NFIL3: variants seen among roughly 807,000 people sequenced by gnomAD.
The protein encoded by NFIL3 is nuclear factor interleukin-3-regulated protein.
Under a neutral mutation model 10.0 loss-of-function variants are expected in NFIL3, and 5 were observed. The observed-to-expected ratio is 0.50, with a 90% CI of 0.26 to 1.06. NFIL3 has a LOEUF of 1.06. Among genes scored for constraint, NFIL3 ranks in the 50% least tolerant of loss-of-function variants. The pLI, the probability that NFIL3 is intolerant of heterozygous loss-of-function variation, is 0.13. For missense variants in NFIL3, 436 were observed against 547.6 expected, an observed-to-expected ratio of 0.80 and a Z score of 2.03; for synonymous variants, 202 against 206.5, an observed-to-expected ratio of 0.98 and a Z score of 0.19.
At chr9:91,459,604 G>A in the NFIL3 span, among the ~76,000 whole-genome samples, 1 of 152,204 alleles carries the variant, frequency 6.6e-6, no homozygotes, top group Non-Finnish European at 1.5e-5. Context: ...AGGATTGCTT[G>A]AGCCCAGGAG....
At chr9:91,432,710 A>G in the NFIL3 span, among the ~76,000 whole-genome samples, 2 of 152,198 alleles carry the variant, frequency 1.3e-5, no homozygotes, top group African/African-American at 4.8e-5. Context: ...GCAGAGCTGA[A>G]AAGAAATGGG....
the NFIL3 span, among the ~76,000 whole-genome samples, chr9:91,472,539 T>C: frequency 6.6e-6 from 1 of 152,316 alleles, no homozygotes; most frequent in Admixed American, 6.5e-5. Flanking sequence ...TCTCATGCCA[T>C]GGTTTTCAGC....
the NFIL3 span, among the ~76,000 whole-genome samples, chr9:91,469,892 T>C: frequency 3.2e-4 from 48 of 151,988 alleles, 1 homozygote; most frequent in South Asian, 9.0e-3. Context: ...CACTTGATCA[T>C]GGTGGATAAG....
chr9:91,456,574 A>AT, the NFIL3 span, among the ~76,000 whole-genome samples: 1 of 151,920 alleles, frequency 6.6e-6, no homozygotes, highest in African/African-American at 2.4e-5. Flanking sequence ...TCAATATTAC[A>AT]TTTTTAGAGT....
chr9:91,445,110 G>A, the NFIL3 span, among the ~76,000 whole-genome samples: 1 of 152,192 alleles, frequency 6.6e-6, no homozygotes, highest in Non-Finnish European at 1.5e-5. Context: ...GAGCTAGGTT[G>A]TAGCTATGAC....
At chr9:91,451,213 C>A in the NFIL3 span, among the ~76,000 whole-genome samples, 1 of 152,094 alleles carries the variant, frequency 6.6e-6, no homozygotes, top group Admixed American at 6.5e-5. Context: ...ATCCTTTCAC[C>A]CCCTGGCCTT....
At chr9:91,451,313 T>C in the NFIL3 span, among the ~76,000 whole-genome samples, 1 of 152,212 alleles carries the variant, frequency 6.6e-6, no homozygotes, top group Non-Finnish European at 1.5e-5. Flanking sequence ...TAAGTGTCAG[T>C]TAAATCATCA....
At chr9:91,455,720 CATACTT>C in the NFIL3 span, among the ~76,000 whole-genome samples, 1 of 152,192 alleles carries the variant, frequency 6.6e-6, no homozygotes, top group Non-Finnish European at 1.5e-5. Context: ...CACATTTTGA[CATACTT>C]ATAGACCTGT....
chr9:91,410,121 T>C lies in NFIL3; in HGVS notation c.614A>G (p.Gln205Arg), dbSNP rs1351532240. 6.2e-7 allele frequency: 1 copy of C among 1,614,166 alleles called. No individual in the cohort carries two copies. Among genetic ancestry groups the C allele is most frequent in the Non-Finnish European group, 8.5e-7 (1 of 1,180,048 alleles). Residue 205 changes from glutamine (Q) to arginine (R), a missense_variant, in exon 2 of 2, where the codon CAG becomes CGG. This residue lies in a region of NFIL3 where 338 missense variants were observed against 399.9 expected (regional missense o/e 0.85). Transcript: ENST00000297689. The surrounding 1 kb of genome is among the most constrained non-coding windows in gnomAD (Gnocchi z 5.7). Reference sequence around the variant, plus strand: ...GTTTTCAGGACTTCTGCAGCTTCCCTGCACAGAGCTCTCCTGCGTGTGTTC... The same window carrying C: ...GTTTTCAGGACTTCTGCAGCTTCCCCGCACAGAGCTCTCCTGCGTGTGTTC... ...SVEHTQESSV[Q>R]GSCRSPENKF...
the NFIL3 span, among the ~76,000 whole-genome samples, chr9:91,451,456 A>G: frequency 2.6e-5 from 4 of 152,170 alleles, no homozygotes; most frequent in African/African-American, 9.7e-5. Flanking sequence ...AATCACCACT[A>G]GGGCCTCTAG....
chr9:91,412,966 C>T (rs1157201056), intron 1 of NFIL3, among the ~76,000 whole-genome samples: 5 of 152,068 alleles, frequency 3.3e-5, no homozygotes, highest in African/African-American at 1.2e-4. Flanking sequence ...ATTGGAAAAG[C>T]CTGCCAGCTT....
chr9:91,473,258 T>G, the NFIL3 span, among the ~76,000 whole-genome samples: 1 of 152,380 alleles, frequency 6.6e-6, no homozygotes, highest in Admixed American at 6.5e-5. Flanking sequence ...CACAGCCATT[T>G]AAGTCTGCAG....
chr9:91,475,415 C>T, the NFIL3 span, among the ~76,000 whole-genome samples: 1 of 152,112 alleles, frequency 6.6e-6, no homozygotes, highest in Non-Finnish European at 1.5e-5. Context: ...CCTCTAAATA[C>T]ATCTTGGGCT....
At chr9:91,480,534 T>G in the NFIL3 span, among the ~76,000 whole-genome samples, 1 of 152,006 alleles carries the variant, frequency 6.6e-6, no homozygotes, top group Non-Finnish European at 1.5e-5. Context: ...AATAATATAT[T>G]CTAGATGAAT....
At chr9:91,429,878 TC>T in the NFIL3 span, among the ~76,000 whole-genome samples, 1 of 151,928 alleles carries the variant, frequency 6.6e-6, no homozygotes, top group Non-Finnish European at 1.5e-5. Flanking sequence ...CGTGTCCACA[TC>T]CCAGCTTGCC....
At chr9:91,429,063 G>C in the NFIL3 span, among the ~76,000 whole-genome samples, 2 of 152,218 alleles carry the variant, frequency 1.3e-5, no homozygotes, top group African/African-American at 2.4e-5. Context: ...ATATGAAATA[G>C]AAAATTGTGA....
At chr9:91,444,949 A>G in the NFIL3 span, among the ~76,000 whole-genome samples, 1 of 152,208 alleles carries the variant, frequency 6.6e-6, no homozygotes, top group Non-Finnish European at 1.5e-5. Flanking sequence ...CTGTAGAGCC[A>G]GAGTCCTGGG....
the NFIL3 span, among the ~76,000 whole-genome samples, chr9:91,461,131 C>T: frequency 2.6e-5 from 4 of 152,118 alleles, no homozygotes; most frequent in African/African-American, 7.2e-5. Context: ...CAGTCAGGGA[C>T]GATTATGGTG....
chr9:91,424,407 A>G (rs1036083909), upstream of NFIL3, among the ~76,000 whole-genome samples: 1 of 152,030 alleles, frequency 6.6e-6, no homozygotes, highest in African/African-American at 2.4e-5. Context: ...GGAGCCCTCT[A>G]CCTTGGGGTG....
Sources: gnomAD v4.1 joint callset for allele counts (sites outside exome capture counted in the v4.1 genomes callset) on GRCh38, gnomAD v4.1.1 for gene constraint, gnomAD v4.1.1 regional missense constraint, Gnocchi (gnomAD v3.1) non-coding constraint, MANE v1.5 for transcripts, NCBI Gene and HGNC (gene_info 2026-07-23, HGNC 2026-07-21) for gene names.